Variants in ATRNL1 observed in about 807,000 individuals in gnomAD.
The protein encoded by ATRNL1 is attractin-like protein 1.
In ATRNL1, 95 loss-of-function variants were observed where a neutral mutation model predicts 182.7. That is an observed-to-expected ratio of 0.52 (90% CI 0.44 to 0.62). ATRNL1 has a LOEUF of 0.62. Ranked by LOEUF, ATRNL1 falls within the 20% of genes least tolerant of loss-of-function variation. ATRNL1 has a pLI of 0.00. For missense variants in ATRNL1, 1,471 were observed against 1,679.5 expected (o/e 0.88, Z 2.17); for synonymous variants, 576 against 568.3 (o/e 1.01, Z -0.19).
chr10:115,130,846 T>A (rs1171279318), intron 5 of ATRNL1, among the ~76,000 whole-genome samples: 3 of 152,118 alleles, frequency 2.0e-5, no homozygotes, highest in African/African-American at 7.2e-5. Flanking sequence ...TTCAAACTGG[T>A]CTTCAATTGC....
At chr10:115,929,328 G>T (rs937791236) in intron 28 of ATRNL1, among the ~76,000 whole-genome samples, 1 of 151,996 alleles carries the variant, frequency 6.6e-6, no homozygotes, top group African/African-American at 2.4e-5. Flanking sequence ...TGCCTGATTG[G>T]AGTTAATGTT....
intron 18 of ATRNL1, among the ~76,000 whole-genome samples, chr10:115,317,311 G>C (rs551923591): frequency 6.6e-6 from 1 of 152,132 alleles, no homozygotes; most frequent in Non-Finnish European, 1.5e-5. Flanking sequence ...AGTATAGTTC[G>C]AAGTCAGGTA....
intron 19 of ATRNL1, among the ~76,000 whole-genome samples, chr10:115,391,695 T>G (rs999926344): frequency 3.9e-5 from 6 of 152,020 alleles, no homozygotes; most frequent in Non-Finnish European, 7.4e-5. Flanking sequence ...TGGGAAGGTA[T>G]TATGATGCAT....
intron 9 of ATRNL1, among the ~76,000 whole-genome samples, chr10:115,234,957 C>T (rs567132104): frequency 6.6e-6 from 1 of 152,248 alleles, no homozygotes; most frequent in South Asian, 2.1e-4. Flanking sequence ...CTCTCCTTCT[C>T]AGATTTTGAT....
rs558872922 is a variant in ATRNL1 at position 115,215,347 on chromosome 10, T to C, written c.1349-350T>C. On this transcript the variant is annotated intron_variant, in intron 8 of 28. Coordinates refer to ENST00000355044, the MANE Select transcript of ATRNL1 (RefSeq NM_207303.4). Reference sequence around the variant, plus strand: ...ATTTTATCTTTATAATGTCAGTGACTAACTGTCACATAGTAGGCTCTCAAA... The same window carrying C: ...ATTTTATCTTTATAATGTCAGTGACCAACTGTCACATAGTAGGCTCTCAAA... Among the ~76,000 whole-genome samples the C allele has an allele frequency of 2.0e-5, 3 of 152,320 alleles. No individual in the cohort carries two copies. In the South Asian group the frequency reaches 6.2e-4, roughly 32 times the overall value.
intron 25 of ATRNL1, among the ~76,000 whole-genome samples, chr10:115,533,561 A>T (rs1554989174): frequency 1.3e-5 from 2 of 151,916 alleles, no homozygotes; most frequent in Non-Finnish European, 1.5e-5. Context: ...CAGCTCCTGG[A>T]TTCATTAATT....
chr10:115,713,164 A>G (rs771450264), intron 26 of ATRNL1, among the ~76,000 whole-genome samples: 2 of 152,114 alleles, frequency 1.3e-5, no homozygotes, highest in Non-Finnish European at 2.9e-5. Context: ...ACAATCTAAG[A>G]CCACATGGTA....
intron 28 of ATRNL1, among the ~76,000 whole-genome samples, chr10:115,868,150 G>A (rs1219273782): frequency 6.6e-6 from 1 of 152,136 alleles, no homozygotes; most frequent in African/African-American, 2.4e-5. Context: ...AAGGTCAAAT[G>A]TATATATTCG....
intron 20 of ATRNL1, among the ~76,000 whole-genome samples, chr10:115,423,282 C>T (rs1554962262): frequency 6.6e-6 from 1 of 151,962 alleles, no homozygotes; most frequent in East Asian, 1.9e-4. Flanking sequence ...AACTGTAATC[C>T]CAGCACTTTG....
At chr10:115,426,193 A>G (rs1592640124) in intron 20 of ATRNL1, 57 bp from the exon 21 acceptor site, 2 of 1,417,120 alleles carry the variant, frequency 1.4e-6, no homozygotes, top group Non-Finnish European at 2.0e-6. Context: ...TTGAAGAAAA[A>G]CATGAGGCTT....
chr10:115,943,301 C>A (rs1338939627), intron 28 of ATRNL1, among the ~76,000 whole-genome samples: 1 of 152,160 alleles, frequency 6.6e-6, no homozygotes, highest in Non-Finnish European at 1.5e-5. Flanking sequence ...CCAAAATCTT[C>A]AAAGAACTCT....
chr10:115,439,994 ATTTG>A (rs1254333634), intron 21 of ATRNL1, among the ~76,000 whole-genome samples: 8 of 151,740 alleles, frequency 5.3e-5, no homozygotes, highest in Admixed American at 2.6e-4. Flanking sequence ...TTCCTCATTA[ATTTG>A]TTTAATTATT....
At chr10:115,475,347 T>C (rs1848483294) in intron 24 of ATRNL1, among the ~76,000 whole-genome samples, 1 of 151,506 alleles carries the variant, frequency 6.6e-6, no homozygotes, top group Non-Finnish European at 1.5e-5. Context: ...TTTTGATAAT[T>C]AGGCAGCTAA....
chr10:115,131,611 G>C (rs1845240286), intron 5 of ATRNL1, among the ~76,000 whole-genome samples: 1 of 152,162 alleles, frequency 6.6e-6, no homozygotes, highest in Non-Finnish European at 1.5e-5. Flanking sequence ...AGATAGATTT[G>C]CTTCTAGGAC....
Position 115,300,059 on chromosome 10 carries a change from G to A in ATRNL1, c.2441G>A (p.Arg814His), listed in dbSNP as rs781892443. Residue 814 changes from arginine (R) to histidine (H), a missense_variant, in exon 16 of 29, where the codon CGC becomes CAC. By Grantham distance (29) the Arg-to-His change is conservative (BLOSUM62 0). Coordinates refer to ENST00000355044, the MANE Select transcript of ATRNL1 (RefSeq NM_207303.4). ...QQKVSPWVGL[R>H]KINISYWGWE... ...AAAGTATCACCTTGGGTAGGCTTGC[G>A]CAAGATCAATATATCCTATTGGGGA... 20 of 1,612,640 alleles carry A rather than the reference G, an allele frequency of 1.2e-5. No homozygotes were observed. The highest frequency in any genetic ancestry group is 6.7e-5 in the East Asian group (3 of 44,804).
intron 24 of ATRNL1, among the ~76,000 whole-genome samples, chr10:115,479,620 G>A (rs1047043363): frequency 6.6e-6 from 1 of 151,320 alleles, no homozygotes; most frequent in Non-Finnish European, 1.5e-5. Flanking sequence ...GCAGTGTTAT[G>A]TGATAAATAT....
intron 25 of ATRNL1, among the ~76,000 whole-genome samples, chr10:115,521,794 C>A (rs35493012): frequency 0.18 from 26,989 of 152,028 alleles, 3,015 homozygotes; most frequent in Non-Finnish European, 0.25. Flanking sequence ...TAAATTAGAT[C>A]ACTTAAAAAA....
chr10:115,204,157 A>G (rs1371456906), intron 8 of ATRNL1, among the ~76,000 whole-genome samples: 2 of 151,994 alleles, frequency 1.3e-5, no homozygotes, highest in Non-Finnish European at 2.9e-5. Flanking sequence ...ATATCCTGCA[A>G]GTTTACGGAA....
intron 21 of ATRNL1, among the ~76,000 whole-genome samples, chr10:115,441,901 T>G (rs1554965809): frequency 6.6e-6 from 1 of 151,968 alleles, no homozygotes; most frequent in African/African-American, 2.4e-5. Flanking sequence ...TGAGGGTGTT[T>G]AGTACTTCAG....
Sources: allele counts gnomAD v4.1 joint callset (sites outside exome capture counted in the v4.1 genomes callset), GRCh38; gene constraint gnomAD v4.1.1; transcripts MANE v1.5; gene names NCBI Gene and HGNC (gene_info 2026-07-23, HGNC 2026-07-21).